RGS17: variants seen among roughly 807,000 people sequenced by gnomAD.
RGS17 encodes regulator of G protein signaling 17.
RGS17 carries 12 observed loss-of-function variants against 25.5 expected under a neutral mutation model. That is an observed-to-expected ratio of 0.47 (90% CI 0.30 to 0.76). The LOEUF (loss-of-function observed/expected upper bound fraction) is 0.76. RGS17 is among the 30% of genes least tolerant of loss of function. The pLI, the probability that RGS17 is intolerant of heterozygous loss-of-function variation, is 0.07. For synonymous variants in RGS17, 71 were observed against 76.9 expected (o/e 0.92, Z 0.40); for missense variants, 196 against 242.2 (o/e 0.81, Z 1.27).
rs747284641 is a variant in RGS17 at position 153,010,585 on chromosome 6, C to G, written c.*989G>C. On this transcript the variant is annotated 3_prime_UTR_variant, in exon 5 of 5. Transcript: ENST00000206262. ...AGGAAAATATGCCACAGGACAGATG[C>G]TATTCATCAAAATGTTTTACAGTGC... is the stretch of plus-strand genomic sequence containing the variant. 1.3e-5 allele frequency: 2 copies of G among 152,002 alleles called. No homozygotes were observed. Among genetic ancestry groups the G allele is most frequent in the Non-Finnish European group, 2.9e-5 (2 of 67,908 alleles). The allele number at this position is 152,002 out of a possible 1,614,324, so 9.4% of individuals were successfully genotyped here.
chr6:153,098,060 T>C (rs1777243689), intron 1 of RGS17, among the ~76,000 whole-genome samples: 2 of 152,114 alleles, frequency 1.3e-5, no homozygotes, highest in South Asian at 2.1e-4. Flanking sequence ...AGGAAAGTAA[T>C]GACTTAATGG....
intron 1 of RGS17, among the ~76,000 whole-genome samples, chr6:153,126,647 G>A (rs1777708631): frequency 6.6e-6 from 1 of 152,126 alleles, no homozygotes; most frequent in East Asian, 1.9e-4. Flanking sequence ...GGTAGCCAAA[G>A]AAATAAAAGT....
At chr6:153,015,708 C>A (rs964412324) in intron 4 of RGS17, among the ~76,000 whole-genome samples, 1 of 151,368 alleles carries the variant, frequency 6.6e-6, no homozygotes, top group East Asian at 1.9e-4. Context: ...GGCTGGAGTG[C>A]AGTGGCGCGA....
In RGS17 at chr6:153,030,561, T is replaced by G. The variant is rs1779350995; in HGVS notation, c.120-4018A>C. Among the ~76,000 whole-genome samples, 6 of 152,310 alleles carry G rather than the reference T, an allele frequency of 3.9e-5. No homozygotes were observed. The South Asian group carries it at 1.2e-3, about 32-fold the overall frequency. On this transcript the variant is annotated intron_variant, in intron 2 of 4. Coordinates refer to ENST00000206262, the MANE Select transcript of RGS17 (RefSeq NM_012419.5). ...AAAAGCAGTCTATTCAATATTGAAA[T>G]AGTCTCACATTGTGATATCAATCTT... is the stretch of plus-strand genomic sequence containing the variant.
chr6:153,052,415 A>G (rs1455459820), intron 1 of RGS17, among the ~76,000 whole-genome samples: 1 of 152,104 alleles, frequency 6.6e-6, no homozygotes, highest in African/African-American at 2.4e-5. Flanking sequence ...AAATGGGGAT[A>G]TCTATTCTAC....
At chr6:153,039,809 A>G (rs1410043445) in intron 2 of RGS17, among the ~76,000 whole-genome samples, 1 of 152,150 alleles carries the variant, frequency 6.6e-6, no homozygotes, top group Non-Finnish European at 1.5e-5. Context: ...GCACTTTTAT[A>G]TGTGTTATCT....
At chr6:153,062,909 CT>C (rs1414892467) in intron 1 of RGS17, among the ~76,000 whole-genome samples, 1 of 152,114 alleles carries the variant, frequency 6.6e-6, no homozygotes, top group Admixed American at 6.5e-5. Flanking sequence ...AACATGCTGC[CT>C]TGAAGGGAAG....
In RGS17 at chr6:153,117,617, A is replaced by G. The variant is rs1777563985; in HGVS notation, c.-26+13507T>C. ...CTTGTGAGTGGACAGAAAAGTATACAGAGAATATGTGCTCTTCCTCCAAAC... is the reference window on the plus strand; with the variant it reads ...CTTGTGAGTGGACAGAAAAGTATACGGAGAATATGTGCTCTTCCTCCAAAC... On this transcript the variant is annotated intron_variant, in intron 1 of 4. Transcript: ENST00000206262. Among the ~76,000 whole-genome samples, 3 of 152,216 alleles carry G rather than the reference A, an allele frequency of 2.0e-5. No individual in the cohort carries two copies. In the South Asian group the frequency reaches 6.2e-4, roughly 32 times the overall value.
Position 153,011,592 on chromosome 6 carries a change from G to A in RGS17, c.615C>T (p.Gly205=). The A allele has an allele frequency of 6.2e-7, 1 of 1,606,184 alleles. No individual in the cohort carries two copies. Among genetic ancestry groups the A allele is most frequent in the Non-Finnish European group, 8.5e-7 (1 of 1,175,198 alleles). The change falls in exon 5 of 5, where the codon GGC becomes GGT. Residue 205 remains glycine (G), a synonymous_variant. Transcript: ENST00000206262. ...IYKSFVESTA[G]SSSES is the part of the protein sequence containing the mutation. Reference sequence around the variant, plus strand: ...ATGAACATTAAGATTCAGAAGAAGAGCCAGCAGTACTTTCAACAAATGACT... The same window carrying A: ...ATGAACATTAAGATTCAGAAGAAGAACCAGCAGTACTTTCAACAAATGACT...
chr6:153,124,316 G>A (rs1298396779), intron 1 of RGS17, among the ~76,000 whole-genome samples: 1 of 152,160 alleles, frequency 6.6e-6, no homozygotes, highest in Non-Finnish European at 1.5e-5. Flanking sequence ...CATAGTGGGT[G>A]CTCAAATATG....
At chr6:153,090,320 C>T (rs1245004550) in intron 1 of RGS17, among the ~76,000 whole-genome samples, 4 of 151,652 alleles carry the variant, frequency 2.6e-5, no homozygotes, top group South Asian at 2.1e-4. Flanking sequence ...AATATTAAAT[C>T]GAAAATTCCA....
At chr6:153,078,755 T>C (rs1233292948) in intron 1 of RGS17, among the ~76,000 whole-genome samples, 2 of 152,068 alleles carry the variant, frequency 1.3e-5, no homozygotes, top group African/African-American at 4.8e-5. Flanking sequence ...TTTTGGTAAA[T>C]GGCATTACAT....
chr6:153,028,359 G>A (rs1779325916), intron 2 of RGS17, among the ~76,000 whole-genome samples: 1 of 152,154 alleles, frequency 6.6e-6, no homozygotes, highest in Non-Finnish European at 1.5e-5. Flanking sequence ...CAGGGTTAGA[G>A]ACAGCAAAGC....
chr6:153,091,620 C>T (rs768759068), intron 1 of RGS17, among the ~76,000 whole-genome samples: 2 of 152,198 alleles, frequency 1.3e-5, no homozygotes, highest in Non-Finnish European at 2.9e-5. Flanking sequence ...TCAAGCAATT[C>T]TCCTGCCTCA....
At chr6:153,052,293 T>G (rs1390680563) in intron 1 of RGS17, among the ~76,000 whole-genome samples, 4 of 152,078 alleles carry the variant, frequency 2.6e-5, no homozygotes, top group African/African-American at 9.7e-5. Context: ...GTGCACAGCA[T>G]CAAGCACCAG....
At chr6:153,078,217 C>T (rs992388608) in intron 1 of RGS17, among the ~76,000 whole-genome samples, 3 of 152,134 alleles carry the variant, frequency 2.0e-5, no homozygotes, top group Non-Finnish European at 1.5e-5. Context: ...TTGTAAGCCT[C>T]TCTACTTTGT....
intron 2 of RGS17, among the ~76,000 whole-genome samples, chr6:153,036,426 A>G (rs180768392): frequency 1.3e-5 from 2 of 151,812 alleles, no homozygotes; most frequent in East Asian, 3.9e-4. Context: ...TCACTCCTCC[A>G]TTGTTCTTTA....
chr6:153,026,506 C>T lies in RGS17; in HGVS notation c.157G>A (p.Gly53Arg). 6.2e-7 allele frequency: 1 copy of T among 1,613,444 alleles called. No homozygotes were observed. Among genetic ancestry groups the T allele is most frequent in the Non-Finnish European group, 8.5e-7 (1 of 1,179,578 alleles). The part of the protein sequence containing the change: ...VRNEERGENA[G>R]RPTHTTKMES... ...ATTTTTGTAGTGTGTGTGGGTCTTC[C>T]CGCATTTTCCCCTCTTTCTTCATTC... is the stretch of plus-strand genomic sequence containing the variant. The change falls in exon 3 of 5, where the codon GGA (glycine) becomes AGA (arginine). Residue 53 changes from glycine to arginine, a missense_variant. Gly to Arg is a moderately radical substitution (Grantham distance 125). Coordinates refer to ENST00000206262, the MANE Select transcript of RGS17 (RefSeq NM_012419.5).
chr6:153,102,930 C>T (rs917207418), intron 1 of RGS17, among the ~76,000 whole-genome samples: 1 of 152,238 alleles, frequency 6.6e-6, no homozygotes, highest in African/African-American at 2.4e-5. Flanking sequence ...GGTAGACTCT[C>T]AGCCATAACT....
Sources: allele counts gnomAD v4.1 joint callset (sites outside exome capture counted in the v4.1 genomes callset), GRCh38; gene constraint gnomAD v4.1.1; transcripts MANE v1.5; gene names NCBI Gene and HGNC (gene_info 2026-07-23, HGNC 2026-07-21).